Variants in MYO16 observed in about 807,000 individuals in gnomAD.
The protein encoded by MYO16 is myosin XVI, also known as unconventional myosin-XVI.
In MYO16, 94 loss-of-function variants were observed where a neutral mutation model predicts 205.3. The ratio of observed to expected loss-of-function variants is 0.46; its 90% CI spans 0.39 to 0.54. The LOEUF is 0.54. Ranked by LOEUF, MYO16 falls within the 20% of genes least tolerant of loss-of-function variation. The pLI, the probability that MYO16 is intolerant of heterozygous loss-of-function variation, is 0.00. For missense variants in MYO16, 2,315 were observed against 2,387.5 expected (o/e 0.97, Z 0.63); for synonymous variants, 988 against 954.0 (o/e 1.04, Z -0.66).
intron 16 of MYO16, among the ~76,000 whole-genome samples, chr13:108,918,528 C>T (rs1041357287): frequency 6.6e-6 from 1 of 152,202 alleles, no homozygotes; most frequent in African/African-American, 2.4e-5. Context: ...AGGCAGGAGG[C>T]CAGAGATGGT....
At chr13:108,831,430 T>C (rs1876617140) in intron 9 of MYO16, among the ~76,000 whole-genome samples, 1 of 152,244 alleles carries the variant, frequency 6.6e-6, no homozygotes, top group South Asian at 2.1e-4. Flanking sequence ...AGCATCATTG[T>C]TTCTTTCCTT....
chr13:108,694,969 G>A (rs756013016), intron 2 of MYO16, among the ~76,000 whole-genome samples: 17 of 152,148 alleles, frequency 1.1e-4, no homozygotes, highest in Admixed American at 3.3e-4. Context: ...AAAATTAGCC[G>A]GGTGTGGTGG....
chr13:108,950,461 T>C (rs960741910), intron 16 of MYO16, among the ~76,000 whole-genome samples: 5 of 152,134 alleles, frequency 3.3e-5, no homozygotes, highest in African/African-American at 1.2e-4. Context: ...TATTAACCAC[T>C]AGATAAACAC....
At chr13:108,675,843 G>C (rs965990634) in intron 2 of MYO16, among the ~76,000 whole-genome samples, 4 of 152,194 alleles carry the variant, frequency 2.6e-5, no homozygotes, top group African/African-American at 9.6e-5. Context: ...CTGGAGTTCA[G>C]TCTGGGGGTT....
upstream of MYO16, among the ~76,000 whole-genome samples, chr13:108,595,722 C>T (rs1318818232): frequency 1.3e-5 from 2 of 152,172 alleles, no homozygotes; most frequent in African/African-American, 2.4e-5. Flanking sequence ...CACGCCTCCT[C>T]TTCTGTCTGC....
chr13:109,126,802 C>T (rs372856781), intron 30 of MYO16, among the ~76,000 whole-genome samples: 1 of 152,132 alleles, frequency 6.6e-6, no homozygotes, highest in African/African-American at 2.4e-5. Flanking sequence ...ATGTAAATTT[C>T]TGAGAGTTTT....
intron 15 of MYO16, among the ~76,000 whole-genome samples, chr13:108,899,195 G>A (rs552229931): frequency 2.4e-4 from 37 of 152,216 alleles, no homozygotes; most frequent in African/African-American, 7.9e-4. Context: ...AGGCCGAGGC[G>A]GGTGGATTTC....
intron 3 of MYO16, among the ~76,000 whole-genome samples, chr13:108,713,670 G>C (rs894345108): frequency 6.6e-6 from 1 of 152,174 alleles, no homozygotes; most frequent in Admixed American, 6.5e-5. Flanking sequence ...GCATGAAAGA[G>C]AAACTGGTGT....
At chr13:109,138,021 G>A (rs978921885) in intron 31 of MYO16, among the ~76,000 whole-genome samples, 2 of 152,154 alleles carry the variant, frequency 1.3e-5, no homozygotes, top group African/African-American at 4.8e-5. Flanking sequence ...GGTAGAGGAG[G>A]GCAGGGAACT....
intron 7 of MYO16, among the ~76,000 whole-genome samples, chr13:108,817,305 A>G (rs1023379441): frequency 6.6e-6 from 1 of 152,246 alleles, no homozygotes; most frequent in African/African-American, 2.4e-5. Context: ...AATGATGAAC[A>G]TATTGTAATG....
intron 1 of MYO16, among the ~76,000 whole-genome samples, chr13:108,650,923 T>A (rs935327947): frequency 9.9e-5 from 15 of 152,174 alleles, no homozygotes; most frequent in African/African-American, 3.6e-4. Flanking sequence ...GAAATTGTCA[T>A]CTGATAAGTC....
chr13:108,602,101 GAAAA>G (rs11478461), intron 1 of MYO16, among the ~76,000 whole-genome samples: 27,682 of 118,038 alleles, frequency 0.23, 2,864 homozygotes, highest in African/African-American at 0.25. Flanking sequence ...AGGATATGAT[GAAAA>G]AAAAAAAAAA....
chr13:108,735,473 G>A (rs1884664368), intron 4 of MYO16, among the ~76,000 whole-genome samples: 1 of 151,068 alleles, frequency 6.6e-6, no homozygotes, highest in African/African-American at 2.5e-5. Context: ...AGTATTCCAT[G>A]GTATATACCA....
chr13:109,131,586 C>T (rs1206957284), intron 31 of MYO16, among the ~76,000 whole-genome samples: 1 of 152,138 alleles, frequency 6.6e-6, no homozygotes, highest in Non-Finnish European at 1.5e-5. Flanking sequence ...AGGTTTGTTA[C>T]ATATGTATGC....
chr13:109,038,269 G>A (rs9559467), intron 23 of MYO16, among the ~76,000 whole-genome samples: 56,800 of 151,962 alleles, frequency 0.37, 11,507 homozygotes, highest in East Asian at 0.83. Flanking sequence ...GAGGTGTTTT[G>A]GGAAGAGATT....
intron 9 of MYO16, among the ~76,000 whole-genome samples, chr13:108,830,112 A>G (rs1164365942): frequency 1.5e-5 from 2 of 132,092 alleles, no homozygotes; most frequent in African/African-American, 5.5e-5. Flanking sequence ...AGGAAACAAC[A>G]GATGCTGGAG....
intron 2 of MYO16, among the ~76,000 whole-genome samples, chr13:108,673,277 G>A (rs1311963840): frequency 6.6e-6 from 1 of 151,956 alleles, no homozygotes; most frequent in African/African-American, 2.4e-5. Context: ...CTGCTGTCAA[G>A]GGAATGTCCA....
At chr13:108,995,348 C>G (rs1884967382) in intron 21 of MYO16, among the ~76,000 whole-genome samples, 1 of 152,094 alleles carries the variant, frequency 6.6e-6, no homozygotes, top group African/African-American at 2.4e-5. Flanking sequence ...TCCCAAAGGC[C>G]CCACCTTCTA....
rs1438021251 is a variant in MYO16 at position 108,923,863 on chromosome 13, T to C, written c.1925+13713T>C. 4.6e-5 allele frequency among the ~76,000 whole-genome samples: 7 copies of C among 152,226 alleles called. No individual in the cohort carries two copies. In the South Asian group the frequency reaches 6.2e-4, roughly 14 times the overall value. ...TTTTGCATTTTACATGAATTATTCTTAGATCAGCATTTTTTCCCAGCCAGC... is the reference window on the plus strand; with the variant it reads ...TTTTGCATTTTACATGAATTATTCTCAGATCAGCATTTTTTCCCAGCCAGC... On this transcript the variant is annotated intron_variant, in intron 16 of 34. Transcript: ENST00000457511.
Sources: allele counts gnomAD v4.1 joint callset (sites outside exome capture counted in the v4.1 genomes callset), GRCh38; gene constraint gnomAD v4.1.1; transcripts MANE v1.5; gene names NCBI Gene and HGNC (gene_info 2026-07-23, HGNC 2026-07-21).